The following ROBO2 variants were observed in gnomAD, a reference collection of about 807,000 sequenced individuals.
ROBO2 encodes the protein roundabout guidance receptor 2.
ROBO2 carries 53 observed loss-of-function variants against 160.8 expected under a neutral mutation model. That is an observed-to-expected ratio of 0.33 (90% CI 0.26 to 0.41). ROBO2 has a LOEUF of 0.41. Among genes scored for constraint, ROBO2 ranks in the 10% least tolerant of loss-of-function variants. ROBO2 has a pLI of 1.00. For synonymous variants in ROBO2, 664 were observed against 611.7 expected (o/e 1.09, Z -1.26); for missense variants, 1,577 against 1,722.4 (o/e 0.92, Z 1.49).
intron 2 of ROBO2, among the ~76,000 whole-genome samples, chr3:76,283,129 T>A (rs1315030612): frequency 1.4e-5 from 1 of 73,386 alleles, no homozygotes; most frequent in African/African-American, 4.3e-5. Flanking sequence ...TGTATATATA[T>A]AAAACTGTAT....
At chr3:77,244,952 C>CG (rs2089541103) in intron 2 of ROBO2, among the ~76,000 whole-genome samples, 5 of 145,192 alleles carry the variant, frequency 3.4e-5, no homozygotes, top group Non-Finnish European at 7.5e-5. Context: ...AAATGAACAG[C>CG]TTTTTTTTTT....
chr3:77,145,807 T>A (rs888071574), intron 2 of ROBO2, among the ~76,000 whole-genome samples: 4 of 152,198 alleles, frequency 2.6e-5, no homozygotes, highest in African/African-American at 9.7e-5. Flanking sequence ...TATTCCCTCA[T>A]GTTAACAATC....
Position 75,943,551 on chromosome 3 carries a change from T to C in ROBO2, c.109+5949T>C, listed in dbSNP as rs1186494457. On this transcript the variant is annotated intron_variant, in intron 2 of 26. Transcript: ENST00000487694. ...ATGAAGAATAGGTAAATTTACTAGA[T>C]GTCATTGTCTATGACACATTTTAGT... Among the ~76,000 whole-genome samples, 3 of 152,310 alleles carry C rather than the reference T, an allele frequency of 2.0e-5. No individual in the cohort carries two copies. In the East Asian group the frequency reaches 5.8e-4, roughly 29 times the overall value.
intron 2 of ROBO2, among the ~76,000 whole-genome samples, chr3:77,133,904 G>A (rs1009281618): frequency 5.9e-5 from 9 of 152,198 alleles, no homozygotes; most frequent in African/African-American, 2.2e-4. Context: ...AAGCAAAATT[G>A]TTCAGAAAAA....
chr3:77,334,250 G>A (rs1267591242), intron 2 of ROBO2, among the ~76,000 whole-genome samples: 1 of 152,170 alleles, frequency 6.6e-6, no homozygotes, highest in Non-Finnish European at 1.5e-5. Flanking sequence ...AACAGAAAGT[G>A]AGAAGAGGCC....
intron 2 of ROBO2, among the ~76,000 whole-genome samples, chr3:76,314,552 C>T (rs1223839104): frequency 6.6e-6 from 1 of 152,130 alleles, no homozygotes; most frequent in Admixed American, 6.6e-5. Flanking sequence ...TCTGCCACCC[C>T]TGAGACAGCA....
chr3:75,979,965 T>G (rs1446032390), intron 2 of ROBO2, among the ~76,000 whole-genome samples: 1 of 151,582 alleles, frequency 6.6e-6, no homozygotes, highest in Non-Finnish European at 1.5e-5. Flanking sequence ...TGGATAAGGA[T>G]AAAAGTGCTG....
At chr3:76,795,118 A>T (rs2063603287) in intron 2 of ROBO2, among the ~76,000 whole-genome samples, 1 of 152,122 alleles carries the variant, frequency 6.6e-6, no homozygotes, top group African/African-American at 2.4e-5. Context: ...AATAAAAATA[A>T]TTCGTAGCTG....
At chr3:77,251,860 G>A (rs2090390427) in intron 2 of ROBO2, among the ~76,000 whole-genome samples, 1 of 152,126 alleles carries the variant, frequency 6.6e-6, no homozygotes, top group African/African-American at 2.4e-5. Flanking sequence ...CAGCTGAGTG[G>A]AACTGCGAGT....
chr3:77,559,784 A>G (rs1409299633), intron 9 of ROBO2, among the ~76,000 whole-genome samples: 2 of 152,002 alleles, frequency 1.3e-5, no homozygotes, highest in African/African-American at 2.4e-5. Context: ...ATGCACACAT[A>G]AGTTTTTACT....
chr3:77,121,000 T>A (rs6774409), intron 2 of ROBO2, among the ~76,000 whole-genome samples: 30,056 of 151,972 alleles, frequency 0.2, 4,507 homozygotes, highest in African/African-American at 0.42. Context: ...GCTGGAGTAC[T>A]GTGGCGCGAT....
chr3:77,394,413 C>T (rs920183217), intron 2 of ROBO2, among the ~76,000 whole-genome samples: 21 of 151,930 alleles, frequency 1.4e-4, no homozygotes, highest in Non-Finnish European at 2.9e-4. Flanking sequence ...GAAAAAATTC[C>T]AGTTAAAAGA....
intron 2 of ROBO2, among the ~76,000 whole-genome samples, chr3:76,759,405 A>G (rs2061170808): frequency 6.6e-6 from 1 of 151,832 alleles, no homozygotes; most frequent in Non-Finnish European, 1.5e-5. Context: ...TTATAACACT[A>G]CATCTCTTAA....
intron 6 of ROBO2, among the ~76,000 whole-genome samples, chr3:77,543,872 G>C (rs554597856): frequency 4.6e-5 from 7 of 152,172 alleles, no homozygotes; most frequent in African/African-American, 1.7e-4. Flanking sequence ...CAGCTAAATA[G>C]GTGATTTTTA....
intron 2 of ROBO2, among the ~76,000 whole-genome samples, chr3:77,253,284 A>C (rs1209593169): frequency 2.6e-5 from 4 of 152,200 alleles, no homozygotes; most frequent in Non-Finnish European, 5.9e-5. Context: ...TAACTGTAAA[A>C]GTTCAAGGAA....
At chr3:76,269,046 T>C (rs1454248064) in intron 2 of ROBO2, among the ~76,000 whole-genome samples, 1 of 152,174 alleles carries the variant, frequency 6.6e-6, no homozygotes, top group Admixed American at 6.6e-5. Context: ...GTGGGGATGG[T>C]TAATGGGCAC....
chr3:75,929,209 G>A (rs1337859805), intron 1 of ROBO2, among the ~76,000 whole-genome samples: 1 of 144,576 alleles, frequency 6.9e-6, no homozygotes, highest in Non-Finnish European at 1.5e-5. Context: ...GTGTGTGTGT[G>A]TGTGTTAGAC....
intron 2 of ROBO2, among the ~76,000 whole-genome samples, chr3:76,684,116 G>GA (rs1452469098): frequency 6.6e-6 from 1 of 151,798 alleles, no homozygotes; most frequent in Non-Finnish European, 1.5e-5. Context: ...TTAGGAGAAG[G>GA]AAAAATGAGT....
intron 2 of ROBO2, among the ~76,000 whole-genome samples, chr3:76,035,103 T>C (rs1695286006): frequency 6.6e-6 from 1 of 152,056 alleles, no homozygotes; most frequent in African/African-American, 2.4e-5. Context: ...TAGACCTTCA[T>C]ATGTTTTATC....
Sources: allele counts gnomAD v4.1 joint callset (sites outside exome capture counted in the v4.1 genomes callset), GRCh38; gene constraint gnomAD v4.1.1; transcripts MANE v1.5; gene names NCBI Gene and HGNC (gene_info 2026-07-23, HGNC 2026-07-21).